Variants in R3HDM1 observed in about 807,000 individuals in gnomAD.
R3HDM1 encodes the protein R3H domain-containing protein 1.
In R3HDM1, 46 loss-of-function variants were observed where a neutral mutation model predicts 141.1. The observed-to-expected ratio is 0.33, with a 90% CI of 0.26 to 0.42. The LOEUF (loss-of-function observed/expected upper bound fraction) is 0.42. Among genes scored for constraint, R3HDM1 ranks in the 10% least tolerant of loss-of-function variants. The pLI, the probability that R3HDM1 is intolerant of heterozygous loss-of-function variation, is 1.00. For missense variants in R3HDM1, 1,184 were observed against 1,368.3 expected (o/e 0.87, Z 2.12); for synonymous variants, 435 against 472.9 (o/e 0.92, Z 1.04).
chr2:135,606,796 A>G (rs1017146952), intron 3 of R3HDM1: 2 of 151,454 alleles, frequency 1.3e-5, no homozygotes, highest in Non-Finnish European at 2.9e-5. Flanking sequence ...AAGTTTAACA[A>G]TGTTTTAATT....
intron 7 of R3HDM1, among the ~76,000 whole-genome samples, chr2:135,624,212 AGTGAAACCCT>A (rs1574453528): frequency 6.6e-6 from 1 of 151,952 alleles, no homozygotes; most frequent in East Asian, 1.9e-4. Flanking sequence ...TGGCTAACAC[AGTGAAACCCT>A]GTCTCTACTA....
chr2:135,573,548 G>A (rs1341119924), intron 1 of R3HDM1, among the ~76,000 whole-genome samples: 1 of 149,756 alleles, frequency 6.7e-6, no homozygotes, highest in Non-Finnish European at 1.5e-5. Context: ...TTTTTTTAAG[G>A]TTTCCAAATA....
intron 1 of R3HDM1, among the ~76,000 whole-genome samples, chr2:135,557,346 C>G (rs1700981167): frequency 6.6e-6 from 1 of 150,656 alleles, no homozygotes; most frequent in Non-Finnish European, 1.5e-5. Context: ...TAACAAGGGT[C>G]TTGAAACTCT....
Position 135,547,504 on chromosome 2 carries a change from A to G in R3HDM1, c.-250+15871A>G, listed in dbSNP as rs377458839. On this transcript the variant is annotated intron_variant, in intron 1 of 26. Transcript: ENST00000683871. Reference sequence around the variant, plus strand: ...TTTTTTTTTTTTCTGGTTGACAAGCAATAGTGCACCATCAGCATATCCTCA... The same window carrying G: ...TTTTTTTTTTTTCTGGTTGACAAGCGATAGTGCACCATCAGCATATCCTCA... Among the ~76,000 whole-genome samples the G allele has an allele frequency of 8.0e-5, 12 of 150,562 alleles. No homozygotes were observed. The East Asian group carries it at 2.0e-3, about 24-fold the overall frequency.
chr2:135,677,808 A>G (rs2069463048), intron 20 of R3HDM1, among the ~76,000 whole-genome samples: 1 of 152,202 alleles, frequency 6.6e-6, no homozygotes, highest in South Asian at 2.1e-4. Context: ...TATCTAAAAA[A>G]TAAGCCAGAA....
chr2:135,541,374 A>AT (rs1356878359), intron 1 of R3HDM1, among the ~76,000 whole-genome samples: 4 of 151,354 alleles, frequency 2.6e-5, no homozygotes, highest in African/African-American at 9.7e-5. Context: ...TGCCCGGCTA[A>AT]TTTTTTTTTA....
At chr2:135,624,719 T>C (rs2105189713) in intron 7 of R3HDM1, among the ~76,000 whole-genome samples, 1 of 152,304 alleles carries the variant, frequency 6.6e-6, no homozygotes, top group East Asian at 1.9e-4. Flanking sequence ...ATGAGATTTG[T>C]GTTTTGGAAA....
chr2:135,672,676 G>A (rs1397815881), intron 19 of R3HDM1, among the ~76,000 whole-genome samples: 1 of 152,008 alleles, frequency 6.6e-6, no homozygotes, highest in Non-Finnish European at 1.5e-5. Context: ...GAGATCAACT[G>A]TTTTATATTT....
chr2:135,715,800 C>T, intron 24 of R3HDM1, 106 bp downstream of exon 24: 1 of 1,366,616 alleles, frequency 7.3e-7, no homozygotes, highest in Non-Finnish European at 1.0e-6. Flanking sequence ...TTCCATAGAG[C>T]TGCATCTTCA....
intron 2 of R3HDM1, among the ~76,000 whole-genome samples, chr2:135,604,502 G>T (rs891430238): frequency 1.3e-5 from 2 of 152,048 alleles, no homozygotes; most frequent in Admixed American, 1.3e-4. Flanking sequence ...TTGCTATGTT[G>T]CCCTGGTTGG....
intron 7 of R3HDM1, among the ~76,000 whole-genome samples, chr2:135,630,352 A>C (rs939795797): frequency 6.1e-5 from 9 of 147,376 alleles, no homozygotes; most frequent in African/African-American, 2.2e-4. Context: ...TCATATACTG[A>C]GTAGAAGGTG....
At chr2:135,624,136 T>G (rs1033732022) in intron 7 of R3HDM1, among the ~76,000 whole-genome samples, 1 of 152,086 alleles carries the variant, frequency 6.6e-6, no homozygotes, top group South Asian at 2.1e-4. Flanking sequence ...TGGCTCACGC[T>G]TGTAATCCCA....
At chr2:135,584,177 T>C in intron 1 of R3HDM1, 1 of 612,154 alleles carries the variant, frequency 1.6e-6, no homozygotes, top group Non-Finnish European at 2.0e-6. Context: ...AAAATATAAA[T>C]ATTAACCAGT....
At chr2:135,685,739 C>T (rs905222103) in intron 21 of R3HDM1, among the ~76,000 whole-genome samples, 3 of 152,064 alleles carry the variant, frequency 2.0e-5, no homozygotes, top group African/African-American at 7.2e-5. Flanking sequence ...AAACTCATGC[C>T]TTTAAATATT....
rs753625171 is a variant in R3HDM1, at chr2:135,632,000, A to G, written c.697A>G (p.Ile233Val). ...VIVNKTSNTR[I>V]PDQKFNEHIK... is the part of the protein sequence containing the mutation. ...AGTAAACAAAACTAGCAATACAAGA[A>G]TGTAAGTGTCAAGAGATGTAACTAC... The change falls in exon 9 of 27, where the codon ATA becomes GTA. Residue 233 changes from isoleucine (I) to valine (V), a missense_variant and splice_region_variant. Around this residue, in one of 5 missense-constraint regions of R3HDM1, gnomAD observed 240 missense variants for 312.3 expected, o/e 0.77. Transcript: ENST00000683871. 6.3e-7 allele frequency: 1 copy of G among 1,599,304 alleles called. No individual in the cohort carries two copies. Among genetic ancestry groups the G allele is most frequent in the Non-Finnish European group, 8.5e-7 (1 of 1,171,492 alleles).
intron 18 of R3HDM1, among the ~76,000 whole-genome samples, chr2:135,654,513 A>G (rs897088488): frequency 6.6e-6 from 1 of 151,506 alleles, no homozygotes; most frequent in Admixed American, 6.6e-5. Flanking sequence ...CAGTGGTGCA[A>G]TCTCAGCTCA....
intron 1 of R3HDM1, among the ~76,000 whole-genome samples, chr2:135,600,103 ATTTTTTTTTT>A (rs1047714227): frequency 6.1e-4 from 57 of 93,518 alleles, no homozygotes; most frequent in Middle Eastern, 0.019. Context: ...AGTTCGTATG[ATTTTTTTTTT>A]TTTTTTTTTT....
chr2:135,636,242 T>G (rs1432685885), intron 11 of R3HDM1, 59 bp downstream of exon 11: 74 of 1,546,248 alleles, frequency 4.8e-5, no homozygotes, highest in Non-Finnish European at 5.9e-5. Flanking sequence ...CGTTGTAGGG[T>G]CTCAGTCTCC....
chr2:135,605,876 G>GT (rs2060002505), intron 3 of R3HDM1: 1 of 152,146 alleles, frequency 6.6e-6, no homozygotes, highest in Non-Finnish European at 1.5e-5. Context: ...TAGAGATGGA[G>GT]TTTCACTGTG....
Sources: gnomAD v4.1 joint callset for allele counts (sites outside exome capture counted in the v4.1 genomes callset) on GRCh38, gnomAD v4.1.1 for gene constraint, gnomAD v4.1.1 regional missense constraint, MANE v1.5 for transcripts, NCBI Gene and HGNC (gene_info 2026-07-23, HGNC 2026-07-21) for gene names.